The following ANK3 variants were observed in gnomAD, a reference collection of about 807,000 sequenced individuals.
ANK3 encodes ankyrin 3, also known as ankyrin-3.
A neutral mutation model predicts 370.9 loss-of-function variants in ANK3; 57 were observed. That is an observed-to-expected ratio of 0.15 (90% CI 0.12 to 0.19). The LOEUF is 0.19. Ranked by LOEUF, ANK3 falls within the 10% of genes least tolerant of loss-of-function variation. The pLI, the probability that ANK3 is intolerant of heterozygous loss-of-function variation, is 1.00. For missense variants in ANK3, 4,439 were observed against 5,302.1 expected, an observed-to-expected ratio of 0.84 and a Z score of 5.06; for synonymous variants, 1,929 against 1,946.3, an observed-to-expected ratio of 0.99 and a Z score of 0.23.
chr10:60,450,346 C>T (rs2133036885), intron 2 of ANK3, among the ~76,000 whole-genome samples: 1 of 152,208 alleles, frequency 6.6e-6, no homozygotes, highest in Admixed American at 6.6e-5. Flanking sequence ...GCGGTGTTTG[C>T]CACTTTCCAT....
In ANK3 at chr10:60,075,057, C is replaced by T. The variant is rs963549742; in HGVS notation, c.5824G>A (p.Glu1942Lys). 2 of 1,613,972 alleles carry T rather than the reference C, an allele frequency of 1.2e-6. No homozygotes were observed. Among genetic ancestry groups the T allele is most frequent in the Non-Finnish European group, 1.7e-6 (2 of 1,179,978 alleles). The part of the protein sequence containing the change: ...ELPKEGRIDD[E>K]EPFKIVEKVK... Reference sequence around the variant, plus strand: ...TTCTCTACAATTTTGAAAGGTTCTTCATCATCTATTCTCCCTTCCTTTGGG... The same window carrying T: ...TTCTCTACAATTTTGAAAGGTTCTTTATCATCTATTCTCCCTTCCTTTGGG... The change falls in exon 37 of 44, where the codon GAA (glutamate) becomes AAA (lysine). Residue 1942 changes from glutamate to lysine, a missense_variant. This residue lies in a region of ANK3 where 679 missense variants were observed against 791.0 expected (regional missense o/e 0.86). Coordinates refer to ENST00000280772, the MANE Select transcript of ANK3 (RefSeq NM_020987.5).
intron 7 of ANK3, among the ~76,000 whole-genome samples, chr10:60,242,932 G>A (rs887628490): frequency 6.6e-6 from 1 of 152,130 alleles, no homozygotes; most frequent in African/African-American, 2.4e-5. Context: ...GCTCCCATCA[G>A]TTGTCTAACC....
At chr10:60,338,335 T>A (rs2053495910) in intron 1 of ANK3, among the ~76,000 whole-genome samples, 1 of 152,186 alleles carries the variant, frequency 6.6e-6, no homozygotes, top group African/African-American at 2.4e-5. Context: ...AGGACTTGTT[T>A]AAAACACAGA....
At chr10:60,611,144 G>A (rs2078196042) in intron 2 of ANK3, among the ~76,000 whole-genome samples, 1 of 152,112 alleles carries the variant, frequency 6.6e-6, no homozygotes, top group African/African-American at 2.4e-5. Flanking sequence ...AGGGCCTACA[G>A]TAACACTAGT....
At chr10:60,482,228 C>T (rs147565760) in intron 2 of ANK3, among the ~76,000 whole-genome samples, 1 of 152,282 alleles carries the variant, frequency 6.6e-6, no homozygotes, top group Non-Finnish European at 1.5e-5. Flanking sequence ...AATCACAGGG[C>T]ATTGGACCTG....
At chr10:60,301,784 T>C (rs553893962) in intron 1 of ANK3, among the ~76,000 whole-genome samples, 2 of 152,330 alleles carry the variant, frequency 1.3e-5, no homozygotes, top group South Asian at 2.1e-4. Context: ...TGCAACACTT[T>C]AGGCAACTTT....
intron 1 of ANK3, among the ~76,000 whole-genome samples, chr10:60,281,362 C>T (rs2098160139): frequency 6.6e-6 from 1 of 152,130 alleles, no homozygotes; most frequent in Non-Finnish European, 1.5e-5. Context: ...CAGTGGTATC[C>T]CCCATTTGTG....
intron 41 of ANK3, among the ~76,000 whole-genome samples, chr10:60,058,898 G>T (rs557503981): frequency 6.6e-6 from 1 of 152,232 alleles, no homozygotes; most frequent in African/African-American, 2.4e-5. Context: ...GGGATTACAG[G>T]TGCGTGACAC....
At chr10:60,094,885 C>T (rs1472775939) in intron 28 of ANK3, among the ~76,000 whole-genome samples, 1 of 152,180 alleles carries the variant, frequency 6.6e-6, no homozygotes, top group Admixed American at 6.5e-5. Flanking sequence ...TGTGTTAACA[C>T]ATTCAACTCA....
At position 60,640,663 on chromosome 10, in the gene ANK3, C is replaced by G. The variant is rs1366525494; in HGVS notation, c.58-25439G>C. ...TTAAAATAATAAGAGCTATCTATGA[C>G]AAACCCATAGCCAATATCATACTGA... On this transcript the variant is annotated intron_variant, in intron 1 of 43. Coordinates refer to the ANK3 transcript ENST00000373827. 5.1e-5 allele frequency among the ~76,000 whole-genome samples: 4 copies of G among 77,786 alleles called. 2 individuals are homozygous for G. The highest frequency in any genetic ancestry group is 1.2e-4 in the Non-Finnish European group (4 of 34,514). 51.0% of individuals were successfully genotyped at this position (77,786 alleles called of 152,430 possible).
intron 2 of ANK3, among the ~76,000 whole-genome samples, chr10:60,435,329 G>T (rs1441558467): frequency 6.6e-6 from 1 of 152,110 alleles, no homozygotes; most frequent in Non-Finnish European, 1.5e-5. Flanking sequence ...ATCAAAACAA[G>T]TGTATAAACT....
At chr10:60,307,496 C>T (rs2045406676) in intron 1 of ANK3, among the ~76,000 whole-genome samples, 1 of 151,260 alleles carries the variant, frequency 6.6e-6, no homozygotes, top group African/African-American at 2.4e-5. Flanking sequence ...CTATGCCTGG[C>T]TATTTTTTTT....
At chr10:60,096,601 C>A (rs2090182220) in intron 28 of ANK3, among the ~76,000 whole-genome samples, 1 of 152,176 alleles carries the variant, frequency 6.6e-6, no homozygotes, top group Non-Finnish European at 1.5e-5. Flanking sequence ...TCTGTTTTCA[C>A]ACTCTACCCA....
intron 5 of ANK3, among the ~76,000 whole-genome samples, chr10:60,265,479 A>G (rs2097862447): frequency 1.3e-5 from 2 of 152,176 alleles, no homozygotes; most frequent in African/African-American, 2.4e-5. Flanking sequence ...GAGTTGTTGA[A>G]TGTAGAAAAA....
In ANK3 at chr10:60,068,650, G is replaced by T; in HGVS notation, c.12231C>A (p.Ser4077Arg). The T allele has an allele frequency of 5.6e-6, 9 of 1,608,628 alleles. No homozygotes were observed. Among genetic ancestry groups the T allele is most frequent in the South Asian group, 1.1e-5 (1 of 90,462 alleles). ...KSEKAGSEKR[S>R]SRRTGPQSPC... ...CTTCATTCTCACCAGTCCTTCTACT[G>T]CTCCTTTTCTCACTGCCGGCCTTTT... The change falls in exon 37 of 44, where the codon AGC (serine) becomes AGA (arginine). Residue 4077 changes from serine to arginine, a missense_variant. Physicochemically the swap from Ser to Arg is moderately radical, Grantham distance 110. This residue lies in a region of ANK3 where 99 missense variants were observed against 150.7 expected (regional missense o/e 0.66). Coordinates refer to ENST00000280772, the MANE Select transcript of ANK3 (RefSeq NM_020987.5).
At chr10:60,255,470 G>A (rs1314287560) in intron 7 of ANK3, among the ~76,000 whole-genome samples, 2 of 152,090 alleles carry the variant, frequency 1.3e-5, no homozygotes, top group Non-Finnish European at 2.9e-5. Flanking sequence ...GGATGACTAG[G>A]GCATCTCAAC....
intron 2 of ANK3, among the ~76,000 whole-genome samples, chr10:60,583,010 G>A (rs1226770173): frequency 2.0e-5 from 3 of 152,074 alleles, no homozygotes; most frequent in Non-Finnish European, 2.9e-5. Flanking sequence ...CCACTACTAG[G>A]TATATATCCA....
At chr10:60,630,382 C>T (rs147764146) in intron 1 of ANK3, among the ~76,000 whole-genome samples, 2 of 152,082 alleles carry the variant, frequency 1.3e-5, no homozygotes, top group Non-Finnish European at 2.9e-5. Context: ...TTTGTACCTA[C>T]CATGTTACCA....
intron 1 of ANK3, among the ~76,000 whole-genome samples, chr10:60,327,044 G>A (rs2050079869): frequency 6.7e-6 from 1 of 150,302 alleles, no homozygotes; most frequent in African/African-American, 2.5e-5. Context: ...TCTTAAGGCA[G>A]GGACTGGCCT....
Sources: gnomAD v4.1 joint callset for allele counts (sites outside exome capture counted in the v4.1 genomes callset) on GRCh38, gnomAD v4.1.1 for gene constraint, gnomAD v4.1.1 regional missense constraint, MANE v1.5 for transcripts, NCBI Gene and HGNC (gene_info 2026-07-23, HGNC 2026-07-21) for gene names.